The following TENM3 variants were observed in gnomAD, a reference collection of about 807,000 sequenced individuals.
The protein encoded by TENM3 is teneurin transmembrane protein 3.
Under a neutral mutation model 255.1 loss-of-function variants are expected in TENM3, and 63 were observed. That is an observed-to-expected ratio of 0.25 (90% confidence interval 0.20 to 0.30). The LOEUF is 0.30. Among genes scored for constraint, TENM3 ranks in the 10% least tolerant of loss-of-function variants. The pLI is 1.00. For synonymous variants in TENM3, 1,306 were observed against 1,322.3 expected, an observed-to-expected ratio of 0.99 and a Z score of 0.27; for missense variants, 2,929 against 3,461.1, an observed-to-expected ratio of 0.85 and a Z score of 3.86.
intron 1 of TENM3, among the ~76,000 whole-genome samples, chr4:182,184,701 T>C (rs188676321): frequency 6.6e-6 from 1 of 152,314 alleles, no homozygotes; most frequent in Admixed American, 6.5e-5. Context: ...TAGCTAATCC[T>C]CACAGAGAAG....
the TENM3 span, among the ~76,000 whole-genome samples, chr4:181,960,027 G>A: frequency 6.6e-6 from 1 of 152,126 alleles, no homozygotes; most frequent in Admixed American, 6.6e-5. Flanking sequence ...AAAATTAATA[G>A]CTTTATTTTT....
At chr4:181,747,244 G>A in the TENM3 span, among the ~76,000 whole-genome samples, 1 of 151,914 alleles carries the variant, frequency 6.6e-6, no homozygotes, top group Non-Finnish European at 1.5e-5. Context: ...CTTTTTATTT[G>A]CATTTTGACT....
At chr4:182,242,488 C>T (rs571520884), upstream of TENM3, among the ~76,000 whole-genome samples, 12 of 152,200 alleles carry the variant, frequency 7.9e-5, no homozygotes, top group African/African-American at 1.4e-4. Context: ...TGGCCCAGCA[C>T]GGTGGCTCAT....
chr4:182,475,161 A>G (rs1371448555), intron 3 of TENM3, among the ~76,000 whole-genome samples: 2 of 151,440 alleles, frequency 1.3e-5, no homozygotes, highest in East Asian at 3.9e-4. Flanking sequence ...GAATAGGAGG[A>G]CTCCTTTAGT....
At chr4:182,172,498 G>C (rs1347150646) in intron 1 of TENM3, among the ~76,000 whole-genome samples, 1 of 152,092 alleles carries the variant, frequency 6.6e-6, no homozygotes, top group African/African-American at 2.4e-5. Context: ...TTCGTTCCCT[G>C]GCTGTGATAA....
chr4:182,511,730 T>G (rs994399801), intron 3 of TENM3, among the ~76,000 whole-genome samples: 1 of 152,170 alleles, frequency 6.6e-6, no homozygotes, highest in Non-Finnish European at 1.5e-5. Flanking sequence ...AATTTTCAAT[T>G]TGTTTAGGTT....
At chr4:182,777,796 C>A (rs1669428495) in intron 24 of TENM3, among the ~76,000 whole-genome samples, 1 of 149,050 alleles carries the variant, frequency 6.7e-6, no homozygotes, top group Non-Finnish European at 1.5e-5. Flanking sequence ...GACCTCAAGT[C>A]ATCTGCCCGC....
intron 3 of TENM3, among the ~76,000 whole-genome samples, chr4:182,378,130 C>T (rs1205593616): frequency 1.3e-5 from 2 of 152,158 alleles, no homozygotes; most frequent in Non-Finnish European, 2.9e-5. Context: ...CCAGTCTGTG[C>T]AGATTTTGTT....
chr4:182,248,364 C>T (rs1048445592), intron 1 of TENM3, among the ~76,000 whole-genome samples: 1 of 152,146 alleles, frequency 6.6e-6, no homozygotes, highest in African/African-American at 2.4e-5. Flanking sequence ...CCATTTTCAT[C>T]ATTCAGAGTA....
intron 13 of TENM3, among the ~76,000 whole-genome samples, chr4:182,727,330 C>T (rs1481602421): frequency 6.6e-6 from 1 of 151,882 alleles, no homozygotes; most frequent in Non-Finnish European, 1.5e-5. Context: ...GTGGCAGGTG[C>T]CTTTAGTCCC....
chr4:182,013,252 A>G, the TENM3 span, among the ~76,000 whole-genome samples: 1 of 152,206 alleles, frequency 6.6e-6, no homozygotes, highest in African/African-American at 2.4e-5. Context: ...TTTTCAAAAT[A>G]ATGTGTAAGG....
the TENM3 span, among the ~76,000 whole-genome samples, chr4:181,873,003 A>C: frequency 2.6e-5 from 4 of 150,978 alleles, no homozygotes; most frequent in South Asian, 8.4e-4. Flanking sequence ...TTTTTATGTG[A>C]TCTTTTTTCA....
At chr4:181,582,872 G>A in the TENM3 span, among the ~76,000 whole-genome samples, 1 of 152,112 alleles carries the variant, frequency 6.6e-6, no homozygotes, top group African/African-American at 2.4e-5. Context: ...TAGGAAGGAT[G>A]TTGTTCAGTC....
At chr4:181,819,224 A>C in the TENM3 span, among the ~76,000 whole-genome samples, 1 of 151,922 alleles carries the variant, frequency 6.6e-6, no homozygotes, top group African/African-American at 2.4e-5. Context: ...ACCTCCTCTA[A>C]ATGACAGGTC....
chr4:181,783,070 T>A, the TENM3 span, among the ~76,000 whole-genome samples: 1 of 152,204 alleles, frequency 6.6e-6, no homozygotes, highest in African/African-American at 2.4e-5. Context: ...ATAAGTGCGA[T>A]GTGGTGCTGA....
chr4:181,573,943 A>C, the TENM3 span, among the ~76,000 whole-genome samples: 3 of 152,200 alleles, frequency 2.0e-5, no homozygotes, highest in African/African-American at 7.2e-5. Flanking sequence ...TTTCACAGGC[A>C]GCAAAAAAAA....
chr4:181,865,677 G>A, the TENM3 span, among the ~76,000 whole-genome samples: 2 of 152,060 alleles, frequency 1.3e-5, no homozygotes, highest in Admixed American at 6.6e-5. Flanking sequence ...AGAAATAACC[G>A]TTTTTTTCCA....
chr4:182,166,678 C>T (rs896765776), intron 1 of TENM3, among the ~76,000 whole-genome samples: 1 of 152,104 alleles, frequency 6.6e-6, no homozygotes, highest in Non-Finnish European at 1.5e-5. Context: ...GTTGCCCAGG[C>T]TAGAGTGCAG....
chr4:182,702,025 T>C (rs1211592601), intron 12 of TENM3, among the ~76,000 whole-genome samples: 1 of 152,246 alleles, frequency 6.6e-6, no homozygotes, highest in Non-Finnish European at 1.5e-5. Context: ...CTTGTATTTC[T>C]GAATTTGAGT....
Sources: allele counts gnomAD v4.1 joint callset (sites outside exome capture counted in the v4.1 genomes callset), GRCh38; gene constraint gnomAD v4.1.1; transcripts MANE v1.5; gene names NCBI Gene and HGNC (gene_info 2026-07-23, HGNC 2026-07-21).